The following KLHDC1 variants were observed in gnomAD, a reference collection of about 807,000 sequenced individuals.
KLHDC1 encodes the protein kelch domain containing 1, also known as kelch domain-containing protein 1.
In KLHDC1, 53 loss-of-function variants were observed where a neutral mutation model predicts 68.3. The observed-to-expected ratio is 0.78, with a 90% confidence interval of 0.62 to 0.98. The LOEUF is 0.98. Ranked by LOEUF, KLHDC1 falls within the 50% of genes least tolerant of loss-of-function variation. The pLI is 0.00. For synonymous variants in KLHDC1, 148 were observed against 159.0 expected (o/e 0.93, Z 0.52); for missense variants, 470 against 492.3 (o/e 0.95, Z 0.43).
chr14:49,718,646 T>C (rs1250958795), intron 4 of KLHDC1, among the ~76,000 whole-genome samples: 1 of 152,156 alleles, frequency 6.6e-6, no homozygotes, highest in Non-Finnish European at 1.5e-5. Flanking sequence ...TCACTTCTGC[T>C]TTTAGTAATT....
rs1888842145 is a variant in KLHDC1 at position 49,732,699 on chromosome 14, C to T, written c.711-5C>T. On this transcript the variant is annotated splice_region_variant and splice_polypyrimidine_tract_variant and intron_variant, in intron 8 of 12. Coordinates refer to ENST00000359332, the MANE Select transcript of KLHDC1 (RefSeq NM_172193.3). ...ACCTAGACTTTCTTTTTCTCCTTGC[C>T]ACAGGATTACTATTAATGGAGAAAG... is the stretch of plus-strand genomic sequence containing the variant. The T allele has an allele frequency of 1.4e-6, 2 of 1,416,946 alleles. No homozygotes were observed. The highest frequency in any genetic ancestry group is 1.7e-5 in the Admixed American group (1 of 57,752). 87.8% of individuals were successfully genotyped at this position (1,416,946 alleles called of 1,614,324 possible).
Position 49,751,762 on chromosome 14 carries a change from G to T in KLHDC1, c.1211G>T (p.Ser404Ile). 6.4e-7 allele frequency: 1 copy of T among 1,553,382 alleles called. No individual in the cohort carries two copies. Among genetic ancestry groups the T allele is most frequent in the Non-Finnish European group, 8.8e-7 (1 of 1,137,608 alleles). The change falls in exon 13 of 13, where the codon AGT becomes ATT. Residue 404 changes from serine (S) to isoleucine (I), a missense_variant. By Grantham distance (142) the Ser-to-Ile change is moderately radical (BLOSUM62 -2). Coordinates refer to ENST00000359332, the MANE Select transcript of KLHDC1 (RefSeq NM_172193.3). ...EETENKYQWI[S>I]SN is the part of the protein sequence containing the mutation. ...ACAGAAAATAAATATCAGTGGATCA[G>T]TAGCAATTAAATTGTTATATACTTT...
At chr14:49,699,112 C>T (rs140412090) in intron 1 of KLHDC1, among the ~76,000 whole-genome samples, 370 of 146,498 alleles carry the variant, frequency 2.5e-3, no homozygotes, top group African/African-American at 8.8e-3. Flanking sequence ...TGCAGTGAAC[C>T]GAGATCGTGC....
intron 1 of KLHDC1, among the ~76,000 whole-genome samples, chr14:49,698,425 A>G (rs552558068): frequency 6.6e-6 from 1 of 151,876 alleles, no homozygotes; most frequent in East Asian, 1.9e-4. Context: ...GCTGATCTCA[A>G]ACTCTTGACC....
rs756106364 is a variant in KLHDC1, at chr14:49,740,135, A to C, written c.934A>C (p.Ile312Leu). 6 of 1,612,242 alleles carry C rather than the reference A, an allele frequency of 3.7e-6. No homozygotes were observed. Among genetic ancestry groups the C allele is most frequent in the Non-Finnish European group, 4.2e-6 (5 of 1,178,612 alleles). ...HTACLGKENE[I>L]MVFGGSKDDL... ...AGCCTGTTTGGGAAAAGAAAATGAA[A>C]TAATGGTATTTGGTGGGAGCAAAGA... The change falls in exon 11 of 13, where the codon ATA becomes CTA. Residue 312 changes from isoleucine to leucine, a missense_variant. Transcript: ENST00000359332.
intron 2 of KLHDC1, 83 bp from the exon 3 acceptor site, chr14:49,709,626 G>T (rs1888146341): frequency 4.6e-6 from 3 of 659,034 alleles, no homozygotes; most frequent in East Asian, 5.9e-5. Flanking sequence ...AGTTTTCACT[G>T]ACAAAAGTAC....
At chr14:49,713,908 A>G (rs1232063424) in intron 4 of KLHDC1, among the ~76,000 whole-genome samples, 1 of 136,268 alleles carries the variant, frequency 7.3e-6, no homozygotes, top group Admixed American at 7.9e-5. Context: ...GCTGGAGCAC[A>G]GTGGCACGAT....
chr14:49,735,153 A>G (rs1888901927), intron 10 of KLHDC1, among the ~76,000 whole-genome samples: 2 of 152,100 alleles, frequency 1.3e-5, no homozygotes, highest in Admixed American at 1.3e-4. Context: ...TTTTTTGAAA[A>G]AGAAAATACG....
intron 11 of KLHDC1, among the ~76,000 whole-genome samples, chr14:49,740,941 A>G (rs781376384): frequency 2.9e-4 from 44 of 151,966 alleles, no homozygotes; most frequent in Non-Finnish European, 5.0e-4. Flanking sequence ...TAAAAATACA[A>G]AAATGACCCA....
At chr14:49,748,532 G>A (rs544311210) in intron 12 of KLHDC1, among the ~76,000 whole-genome samples, 2 of 152,154 alleles carry the variant, frequency 1.3e-5, no homozygotes, top group East Asian at 3.9e-4. Context: ...GAAATGATAG[G>A]AAGTGGCTTA....
chr14:49,693,542 C>T (rs1887634681), intron 1 of KLHDC1, among the ~76,000 whole-genome samples: 1 of 151,722 alleles, frequency 6.6e-6, no homozygotes, highest in Non-Finnish European at 1.5e-5. Context: ...CCCCTCTTTG[C>T]CAGCAATTCA....
intron 9 of KLHDC1, 21 bp downstream of exon 9, chr14:49,732,837 C>A: frequency 9.0e-7 from 1 of 1,112,578 alleles, no homozygotes; most frequent in Non-Finnish European, 1.4e-6. Flanking sequence ...TAAGGTTTAG[C>A]CTATAATTAT....
rs571514755 is a variant in KLHDC1, at chr14:49,738,840, C to T, written c.897-1258C>T. Among the ~76,000 whole-genome samples the T allele has an allele frequency of 4.6e-5, 7 of 152,324 alleles. No individual in the cohort carries two copies. In the South Asian group the frequency reaches 1.4e-3, roughly 32 times the overall value. On this transcript the variant is annotated intron_variant, in intron 10 of 12. Transcript: ENST00000359332. ...TTTGCCGATTTCCAAGGTGTAAATA[C>T]TCCTACCATGGCCAATTTCAAGCTT...
intron 1 of KLHDC1, among the ~76,000 whole-genome samples, chr14:49,697,007 G>A (rs1887763785): frequency 6.6e-6 from 1 of 151,676 alleles, no homozygotes; most frequent in African/African-American, 2.4e-5. Flanking sequence ...CACAATCTTG[G>A]CTCACTGCAA....
At chr14:49,732,312 AC>A (rs1431790194) in intron 8 of KLHDC1, among the ~76,000 whole-genome samples, 1 of 152,070 alleles carries the variant, frequency 6.6e-6, no homozygotes, top group African/African-American at 2.4e-5. Context: ...AGCTGGGACT[AC>A]AGGCGCATGC....
intron 3 of KLHDC1, among the ~76,000 whole-genome samples, chr14:49,710,057 G>A (rs1888158386): frequency 6.6e-6 from 1 of 152,042 alleles, no homozygotes. Flanking sequence ...GATAAGAGCA[G>A]GATGTGACTC....
intron 4 of KLHDC1, 35 bp downstream of exon 4, chr14:49,710,416 A>G (rs368088645): frequency 9.7e-5 from 104 of 1,069,408 alleles, no homozygotes; most frequent in Non-Finnish European, 1.4e-4. Flanking sequence ...CATTATGTCT[A>G]CCTAAGCAAA....
chr14:49,706,695 C>A (rs192503669), intron 1 of KLHDC1, among the ~76,000 whole-genome samples: 1 of 152,240 alleles, frequency 6.6e-6, no homozygotes, highest in African/African-American at 2.4e-5. Flanking sequence ...GAGATAATAT[C>A]TCATTGTAGT....
chr14:49,721,424 C>G (rs1355610154), intron 4 of KLHDC1, among the ~76,000 whole-genome samples: 1 of 152,106 alleles, frequency 6.6e-6, no homozygotes. Context: ...CTCAAGCAAT[C>G]CGCCTGCCTC....
Sources: allele counts gnomAD v4.1 joint callset (sites outside exome capture counted in the v4.1 genomes callset), GRCh38; gene constraint gnomAD v4.1.1; transcripts MANE v1.5; gene names NCBI Gene and HGNC (gene_info 2026-07-23, HGNC 2026-07-21).